HLA-DOA: variants seen among roughly 807,000 people sequenced by gnomAD.
HLA-DOA encodes HLA class II histocompatibility antigen, DO alpha chain.
A neutral mutation model predicts 22.9 loss-of-function variants in HLA-DOA; 27 were observed. The observed-to-expected ratio is 1.18, with a 90% confidence interval of 0.87 to 1.62. The LOEUF (loss-of-function observed/expected upper bound fraction) is 1.62. HLA-DOA is among the 40% of genes most tolerant of loss of function. HLA-DOA has a pLI of 0.00. For missense variants in HLA-DOA, 324 were observed against 332.4 expected (o/e 0.97, Z 0.20); for synonymous variants, 137 against 138.6 (o/e 0.99, Z 0.08).
intron 1 of HLA-DOA, among the ~76,000 whole-genome samples, chr6:33,008,654 A>G (rs41482650): frequency 1.1e-4 from 16 of 152,264 alleles, no homozygotes; most frequent in East Asian, 5.8e-4. Context: ...ACAGGAGAGT[A>G]TGGAGCTTTG....
In HLA-DOA at chr6:33,006,673, T is replaced by C. The variant is rs970167216; in HGVS notation, c.*165A>G. On this transcript the variant is annotated 3_prime_UTR_variant, in exon 5 of 5. Transcript: ENST00000229829. ...AGTAGGTGTCCAACAAACCCTGCCA[T>C]GAATACTGGGGCCAAAAAAGAGGGG... 6 of 1,024,894 alleles carry C rather than the reference T, an allele frequency of 5.9e-6. No individual in the cohort carries two copies. The highest frequency in any genetic ancestry group is 2.6e-4 in the Middle Eastern group (1 of 3,892). The allele number at this position is 1,024,894 out of a possible 1,614,324, so 63.5% of individuals were successfully genotyped here. A position where few individuals can be genotyped will look rare whatever the true frequency, so the allele number is the denominator to read the frequency against.
chr6:33,006,792 G>T lies in HLA-DOA; in HGVS notation c.*46C>A. The T allele has an allele frequency of 6.2e-7, 1 of 1,612,974 alleles. No homozygotes were observed. Among genetic ancestry groups the T allele is most frequent in the Non-Finnish European group, 8.5e-7 (1 of 1,179,964 alleles). ...CGCAGGGGCTGTCACAAACCCATGA[G>T]GATCTGCAGGGTGTCTCCCACAAGT... On this transcript the variant is annotated 3_prime_UTR_variant, in exon 5 of 5. Coordinates refer to ENST00000229829, the MANE Select transcript of HLA-DOA (RefSeq NM_002119.4).
rs1026498777 is a variant in HLA-DOA, at chr6:33,006,616, A to ATG, written c.*220_*221dup. Reference sequence around the variant, plus strand: ...AGCCAGAGCTTTGGGTAGAGCAAGAATGTGTGTGTGTGTTGAATGGGAAGG... The same window carrying ATG: ...AGCCAGAGCTTTGGGTAGAGCAAGAATGTGTGTGTGTGTGTTGAATGGGAAGG... On this transcript the variant is annotated 3_prime_UTR_variant, in exon 5 of 5. Coordinates refer to ENST00000229829, the MANE Select transcript of HLA-DOA (RefSeq NM_002119.4). The ATG allele has an allele frequency of 3.6e-5, 24 of 660,516 alleles. No individual in the cohort carries two copies. The highest frequency in any genetic ancestry group is 2.9e-4 in the South Asian group (17 of 57,982). 40.9% of individuals were successfully genotyped at this position (660,516 alleles called of 1,614,324 possible). A position where few individuals can be genotyped will look rare whatever the true frequency, so the allele number is the denominator to read the frequency against.
Position 33,007,461 on chromosome 6 carries a change from T to A in HLA-DOA, c.463A>T (p.Thr155Ser), listed in dbSNP as rs1197370329. Reference protein sequence around the residue: ...ITWLRNGQTVTEGVAQTSFYS... With the variant: ...ITWLRNGQTVSEGVAQTSFYS... ...AAGCTGGTCTGGGCCACTCCCTCAGTGACAGTTTGGCCGTTGCGCAGCCAG... is the reference window on the plus strand; with the variant it reads ...AAGCTGGTCTGGGCCACTCCCTCAGAGACAGTTTGGCCGTTGCGCAGCCAG... The change falls in exon 3 of 5, where the codon ACT (threonine) becomes TCT (serine). Residue 155 changes from threonine (T) to serine (S), a missense_variant. By Grantham distance (58) the Thr-to-Ser change is moderately conservative (BLOSUM62 1). Transcript: ENST00000229829. 6.2e-7 allele frequency: 1 copy of A among 1,611,798 alleles called. No homozygotes were observed. The highest frequency in any genetic ancestry group is 1.7e-5 in the Admixed American group (1 of 59,922).
rs1399187269 is a variant in HLA-DOA at position 33,004,738 on chromosome 6, G to A, written c.*2100C>T. On this transcript the variant is annotated 3_prime_UTR_variant, in exon 5 of 5. Coordinates refer to ENST00000229829, the MANE Select transcript of HLA-DOA (RefSeq NM_002119.4). ...TCCGAGTTCTGTTCCTGGGAGGCCTGGCTAAAATCTACCCTTGGGCCCTGC... is the reference window on the plus strand; with the variant it reads ...TCCGAGTTCTGTTCCTGGGAGGCCTAGCTAAAATCTACCCTTGGGCCCTGC... The A allele has an allele frequency of 6.6e-6, 1 of 152,182 alleles. No homozygotes were observed. Among genetic ancestry groups the A allele is most frequent in the Non-Finnish European group, 1.5e-5 (1 of 68,100 alleles). 9.4% of individuals were successfully genotyped at this position (152,182 alleles called of 1,614,324 possible).
rs772724050 is a variant in HLA-DOA at position 33,007,440 on chromosome 6, T to G, written c.484A>C (p.Ser162Arg). ...QTVTEGVAQT[S>R]FYSQPDHLFR... ...AAATGGTCAGGCTGGGAATAGAAGCTGGTCTGGGCCACTCCCTCAGTGACA... is the reference window on the plus strand; with the variant it reads ...AAATGGTCAGGCTGGGAATAGAAGCGGGTCTGGGCCACTCCCTCAGTGACA... The change falls in exon 3 of 5, where the codon AGC becomes CGC. Residue 162 changes from serine (S) to arginine (R), a missense_variant. By Grantham distance (110) the Ser-to-Arg change is moderately radical (BLOSUM62 -1). Coordinates refer to ENST00000229829, the MANE Select transcript of HLA-DOA (RefSeq NM_002119.4). The G allele has an allele frequency of 6.2e-7, 1 of 1,609,918 alleles. No homozygotes were observed.
Position 33,009,520 on chromosome 6 carries a change from C to G in HLA-DOA, c.17G>C (p.Gly6Ala). 1 of 1,605,398 alleles carries G rather than the reference C, an allele frequency of 6.2e-7. No homozygotes were observed. The highest frequency in any genetic ancestry group is 1.9e-4 in the Middle Eastern group (1 of 5,374). Residue 6 changes from glycine (G) to alanine (A), a missense_variant, in exon 1 of 5, where the codon GGG (glycine) becomes GCG (alanine). Physicochemically the swap from Gly to Ala is moderately conservative, Grantham distance 60 (BLOSUM62 0). Coordinates refer to ENST00000229829, the MANE Select transcript of HLA-DOA (RefSeq NM_002119.4). This position sits in a 1 kb window ranked among gnomAD's most constrained non-coding sequence, Gnocchi z 4.8. ...CAGGGTGTGGAACCCCAGGACCAGC[C>G]CTGCTCTGAGGGCCATTACACTCTG... MALRA[G>A]LVLGFHTLMT...
At position 33,008,270 on chromosome 6, in the gene HLA-DOA, G is replaced by A; in HGVS notation, c.83-9C>T. ...GGAGCCCATGTGGTCAGCTGTGTTT[G>A]GCGAGTTCAGGGTCAAGGAGAGAGA... is the stretch of plus-strand genomic sequence containing the variant. On this transcript the variant is annotated splice_polypyrimidine_tract_variant and intron_variant, in intron 1 of 4. Coordinates refer to ENST00000229829, the MANE Select transcript of HLA-DOA (RefSeq NM_002119.4). 1 of 1,611,862 alleles carries A rather than the reference G, an allele frequency of 6.2e-7. No homozygotes were observed. The highest frequency in any genetic ancestry group is 8.5e-7 in the Non-Finnish European group (1 of 1,179,596).
intron 4 of HLA-DOA, 73 bp from the exon 5 acceptor site, chr6:33,006,914 C>T: frequency 6.8e-7 from 1 of 1,460,564 alleles, no homozygotes; most frequent in South Asian, 1.1e-5. Context: ...TGAGTGCCCA[C>T]CTCCCCCAAA....
Position 33,006,532 on chromosome 6 carries a change from A to G in HLA-DOA, c.*306T>C, listed in dbSNP as rs1780813564. Reference sequence around the variant, plus strand: ...GCACCACATGCCTCACCCCTGGAAGAACTGGCCAAGGCCTGGAAAGGACAC... The same window carrying G: ...GCACCACATGCCTCACCCCTGGAAGGACTGGCCAAGGCCTGGAAAGGACAC... On this transcript the variant is annotated 3_prime_UTR_variant, in exon 5 of 5. Coordinates refer to ENST00000229829, the MANE Select transcript of HLA-DOA (RefSeq NM_002119.4). 2 of 561,404 alleles carry G rather than the reference A, an allele frequency of 3.6e-6. No homozygotes were observed. Among genetic ancestry groups the G allele is most frequent in the African/African-American group, 3.8e-5 (2 of 53,282 alleles). The allele number at this position is 561,404 out of a possible 1,614,324, so 34.8% of individuals were successfully genotyped here. A position where few individuals can be genotyped will look rare whatever the true frequency, so the allele number is the denominator to read the frequency against.
At chr6:33,008,443 G>T (rs1020402785) in intron 1 of HLA-DOA, 182 bp from the exon 2 acceptor site, 1 of 1,415,226 alleles carries the variant, frequency 7.1e-7, no homozygotes, top group Non-Finnish European at 9.2e-7. Flanking sequence ...GAAGAAAGAG[G>T]CTCATCCCAG....
In HLA-DOA at chr6:33,008,030, CGGTT is replaced by C; in HGVS notation, c.310_313del (p.Asn104AlafsTer11). ...GCCGGTACCGTTGATGGCTCTGCTG[CGGTT>C]GGAGCGCTCCACCAGGATGTCCAGA... is the stretch of plus-strand genomic sequence containing the variant. On this transcript the variant is annotated frameshift_variant, in exon 2 of 5. Coordinates refer to ENST00000229829, the MANE Select transcript of HLA-DOA (RefSeq NM_002119.4). LOFTEE classifies it high-confidence loss of function. The C allele has an allele frequency of 1.2e-6, 2 of 1,612,620 alleles. No individual in the cohort carries two copies. Among genetic ancestry groups the C allele is most frequent in the Non-Finnish European group, 1.7e-6 (2 of 1,179,808 alleles).
chr6:33,006,511 C>T lies in HLA-DOA; in HGVS notation c.*327G>A. 1 of 537,874 alleles carries T rather than the reference C, an allele frequency of 1.9e-6. No homozygotes were observed. Among genetic ancestry groups the T allele is most frequent in the South Asian group, 2.3e-5 (1 of 43,704 alleles). 33.3% of individuals were successfully genotyped at this position (537,874 alleles called of 1,614,324 possible). Reference sequence around the variant, plus strand: ...CAGGATGGCTGCCAATCCCCAGCACCACATGCCTCACCCCTGGAAGAACTG... The same window carrying T: ...CAGGATGGCTGCCAATCCCCAGCACTACATGCCTCACCCCTGGAAGAACTG... On this transcript the variant is annotated 3_prime_UTR_variant, in exon 5 of 5. Transcript: ENST00000229829.
At chr6:33,008,372 G>A (rs933805616) in intron 1 of HLA-DOA, 111 bp from the exon 2 acceptor site, 1 of 1,512,528 alleles carries the variant, frequency 6.6e-7, no homozygotes, top group Non-Finnish European at 8.8e-7. Context: ...GTTCTGTGTG[G>A]GGACAGAGTC....
chr6:33,009,547 T>C lies in HLA-DOA; in HGVS notation c.-11A>G, dbSNP rs1470576708. The C allele has an allele frequency of 2.5e-6, 4 of 1,586,770 alleles. No homozygotes were observed. Among genetic ancestry groups the C allele is most frequent in the Non-Finnish European group, 3.4e-6 (4 of 1,166,176 alleles). ...TGCTCTGAGGGCCATTACACTCTGG[T>C]GCTTTAATCAAATCAGTCTCAGTCC... On this transcript the variant is annotated 5_prime_UTR_variant, in exon 1 of 5. Coordinates refer to ENST00000229829, the MANE Select transcript of HLA-DOA (RefSeq NM_002119.4). The surrounding 1 kb of genome is among the most constrained non-coding windows in gnomAD (Gnocchi z 4.8).
At position 33,006,481 on chromosome 6, in the gene HLA-DOA, G is replaced by A. The variant is rs1224616782; in HGVS notation, c.*357C>T. On this transcript the variant is annotated 3_prime_UTR_variant, in exon 5 of 5. Transcript: ENST00000229829. ...AAATGGAGCAAGACACACCTGTGTG[G>A]GCCCCAGGATGGCTGCCAATCCCCA... 10 of 486,694 alleles carry A rather than the reference G, an allele frequency of 2.1e-5. No homozygotes were observed. Among genetic ancestry groups the A allele is most frequent in the Non-Finnish European group, 3.7e-5 (10 of 268,608 alleles). 30.1% of individuals were successfully genotyped at this position (486,694 alleles called of 1,614,324 possible).
intron 2 of HLA-DOA, 59 bp downstream of exon 2, chr6:33,007,954 G>T: frequency 6.4e-7 from 1 of 1,560,696 alleles, no homozygotes; most frequent in Admixed American, 1.8e-5. Context: ...CCTAGGAACT[G>T]GGAGGAAGTT....
Position 33,007,572 on chromosome 6 carries a change from G to T in HLA-DOA, c.352C>A (p.Leu118Ile). Residue 118 changes from leucine (L) to isoleucine (I), a missense_variant, in exon 3 of 5, where the codon CTC becomes ATC. Physicochemically the swap from Leu to Ile is conservative, Grantham distance 5. Transcript: ENST00000229829. The stretch of plus-strand genomic sequence containing the variant: ...CCCAGCTCCACCCGAGACTTGGGGA[G>T]CACGGTCACCCGTGGAGGCACTAGG... Reference protein sequence around the residue: ...AINVPPRVTVLPKSRVELGQP... With the variant: ...AINVPPRVTVIPKSRVELGQP... 2 of 1,612,284 alleles carry T rather than the reference G, an allele frequency of 1.2e-6. No individual in the cohort carries two copies. The highest frequency in any genetic ancestry group is 2.2e-5 in the South Asian group (2 of 90,962).
rs761289072 is a variant in HLA-DOA at position 33,008,241 on chromosome 6, C to T, written c.103G>A (p.Gly35Arg). 1 of 1,612,868 alleles carries T rather than the reference C, an allele frequency of 6.2e-7. No homozygotes were observed. The highest frequency in any genetic ancestry group is 8.5e-7 in the Non-Finnish European group (1 of 1,179,998). ...ATKADHMGSYGPAFYQSYGAS... is the reference protein window; with the variant it reads ...ATKADHMGSYRPAFYQSYGAS... ...CCGTAAGACTGGTAGAAGGCGGGTCCGTAGGAGCCCATGTGGTCAGCTGTG... is the reference window on the plus strand; with the variant it reads ...CCGTAAGACTGGTAGAAGGCGGGTCTGTAGGAGCCCATGTGGTCAGCTGTG... The change falls in exon 2 of 5, where the codon GGA becomes AGA. Residue 35 changes from glycine (G) to arginine (R), a missense_variant. Gly to Arg is a moderately radical substitution (Grantham distance 125). Coordinates refer to ENST00000229829, the MANE Select transcript of HLA-DOA (RefSeq NM_002119.4).
Sources: gnomAD v4.1 joint callset for allele counts (sites outside exome capture counted in the v4.1 genomes callset) on GRCh38, gnomAD v4.1.1 for gene constraint, Gnocchi (gnomAD v3.1) non-coding constraint, MANE v1.5 for transcripts, NCBI Gene and HGNC (gene_info 2026-07-23, HGNC 2026-07-21) for gene names.